GPR152: variants seen among roughly 807,000 people sequenced by gnomAD.
The protein encoded by GPR152 is probable G protein-coupled receptor 152.
For missense variants in GPR152, 549 were observed against 617.2 expected, an observed-to-expected ratio of 0.89 and a Z score of 1.17; for synonymous variants, 278 against 289.0, an observed-to-expected ratio of 0.96 and a Z score of 0.39.
In GPR152 at chr11:67,452,064, G is replaced by A. The variant is rs757211155; in HGVS notation, c.661C>T (p.Arg221Cys). 5.6e-6 allele frequency: 9 copies of A among 1,612,192 alleles called. No individual in the cohort carries two copies. In the African/African-American group the frequency reaches 6.7e-5, roughly 12 times the overall value. Residue 221 changes from arginine to cysteine, a missense_variant, in exon 1 of 1, where the codon CGC (arginine) becomes TGC (cysteine). Arg to Cys is a radical substitution (Grantham distance 180, BLOSUM62 -3). Transcript: ENST00000312457. ...GGCTGCTGTTGGCGGTGGCAGGTGC[G>A]ACAGGCTGTGGCCTGGGTGAGCACG... is the stretch of plus-strand genomic sequence containing the variant. ...CHVLTQATAC[R>C]TCHRQQQPAA... is the part of the protein sequence containing the mutation.
Position 67,452,720 on chromosome 11 carries a change from T to A in GPR152, c.5A>T (p.Asp2Val). 23 of 1,559,762 alleles carry A rather than the reference T, an allele frequency of 1.5e-5. No individual in the cohort carries two copies. Among genetic ancestry groups the A allele is most frequent in the Non-Finnish European group, 1.9e-5 (22 of 1,150,482 alleles). The change falls in exon 1 of 1, where the codon GAC (aspartate) becomes GTC (valine). Residue 2 changes from aspartate (D) to valine (V), a missense_variant. By Grantham distance (152) the Asp-to-Val change is radical. Transcript: ENST00000312457. The part of the protein sequence containing the change: M[D>V]TTMEADLGAT... ...ACCCAGGTCAGCTTCCATGGTAGTG[T>A]CCATTTGGGGTCCCCAGAGTCCTGC...
rs768309222 is a variant in GPR152, at chr11:67,451,329, C to T, written c.1396G>A (p.Gly466Ser). ...CTGGACCCTCACGTGGGGCCTGCGCCCGGGGCCGCCTCTGGCGGGGTGCTG... is the reference window on the plus strand; with the variant it reads ...CTGGACCCTCACGTGGGGCCTGCGCTCGGGGCCGCCTCTGGCGGGGTGCTG... ...PSSTPPEAAP[G>S]AGPT is the part of the protein sequence containing the mutation. The change falls in exon 1 of 1, where the codon GGC (glycine) becomes AGC (serine). Residue 466 changes from glycine (G) to serine (S), a missense_variant. Gly to Ser is a moderately conservative substitution (Grantham distance 56). Coordinates refer to ENST00000312457, the MANE Select transcript of GPR152 (RefSeq NM_206997.1). 1.6e-5 allele frequency: 26 copies of T among 1,577,738 alleles called. No individual in the cohort carries two copies. Among genetic ancestry groups the T allele is most frequent in the Non-Finnish European group, 2.1e-5 (25 of 1,163,370 alleles).
rs747045276 is a variant in GPR152, at chr11:67,452,630, T to C, written c.95A>G (p.Asp32Gly). The C allele has an allele frequency of 6.2e-7, 1 of 1,613,614 alleles. No individual in the cohort carries two copies. The change falls in exon 1 of 1, where the codon GAC becomes GGC. Residue 32 changes from aspartate (D) to glycine (G), a missense_variant. Physicochemically the swap from Asp to Gly is moderately conservative, Grantham distance 94. Transcript: ENST00000312457. ...CAGCAGGGCCACCAGGAAGACCGTG[T>C]CCCAGCCACCTTGGGGGTAGGAGTC... The part of the protein sequence containing the change: ...DEDSYPQGGW[D>G]TVFLVALLLL...
Position 67,451,888 on chromosome 11 carries a change from G to A in GPR152, c.837C>T (p.Tyr279=). Residue 279 remains tyrosine (Y), a synonymous_variant, in exon 1 of 1, where the codon TAC becomes TAT. Transcript: ENST00000312457. ...TGTTGAGTAGGATCAGGTAGTCGGAGTAGACCAGGGCCTCCCAGAGCAGGT... is the reference window on the plus strand; with the variant it reads ...TGTTGAGTAGGATCAGGTAGTCGGAATAGACCAGGGCCTCCCAGAGCAGGT... The part of the protein sequence containing the change: ...SGYLLWEALV[Y]SDYLILLNSC... The A allele has an allele frequency of 6.2e-7, 1 of 1,612,258 alleles. No individual in the cohort carries two copies. The highest frequency in any genetic ancestry group is 8.5e-7 in the Non-Finnish European group (1 of 1,180,002).
rs941376038 is a variant in GPR152 at position 67,452,611 on chromosome 11, G to A, written c.114C>T (p.Ala38=). The A allele has an allele frequency of 1.2e-6, 2 of 1,613,426 alleles. No individual in the cohort carries two copies. The highest frequency in any genetic ancestry group is 1.7e-6 in the Non-Finnish European group (2 of 1,179,812). ...QGGWDTVFLV[A]LLLLGLPANG... ...TGGCTGGCAGCCCAAGGAGCAGCAG[G>A]GCCACCAGGAAGACCGTGTCCCAGC... The change falls in exon 1 of 1, where the codon GCC becomes GCT. Residue 38 remains alanine (A), a synonymous_variant. Coordinates refer to ENST00000312457, the MANE Select transcript of GPR152 (RefSeq NM_206997.1).
At position 67,451,996 on chromosome 11, in the gene GPR152, C is replaced by T. The variant is rs777535963; in HGVS notation, c.729G>A (p.Leu243=). 1 of 1,611,920 alleles carries T rather than the reference C, an allele frequency of 6.2e-7. No homozygotes were observed. Among genetic ancestry groups the T allele is most frequent in the Non-Finnish European group, 8.5e-7 (1 of 1,179,956 alleles). ...RGFARVARTI[L]SAYVVLRLPY... The stretch of plus-strand genomic sequence containing the variant: ...GCAGCCTCAGGACCACATAGGCTGA[C>T]AGAATGGTCCTGGCCACACGGGCGA... The change falls in exon 1 of 1, where the codon CTG becomes CTA. Residue 243 remains leucine (L), a synonymous_variant. Transcript: ENST00000312457.
In GPR152 at chr11:67,451,573, C is replaced by T. The variant is rs770613162; in HGVS notation, c.1152G>A (p.Ser384=). 1.7e-5 allele frequency: 27 copies of T among 1,613,844 alleles called. No homozygotes were observed. The highest frequency in any genetic ancestry group is 6.7e-5 in the Admixed American group (4 of 60,004). The change falls in exon 1 of 1, where the codon TCG becomes TCA. Residue 384 remains serine (S), a synonymous_variant. Coordinates refer to ENST00000312457, the MANE Select transcript of GPR152 (RefSeq NM_206997.1). ...PQLNPTAQPQ[S]DPTAQPQLNL... is the part of the protein sequence containing the mutation. ...TCAGCTGTGGCTGGGCTGTGGGATC[C>T]GACTGTGGCTGGGCCGTAGGGTTCA...
In GPR152 at chr11:67,451,813, G is replaced by A; in HGVS notation, c.912C>T (p.Thr304=). 1 of 1,613,226 alleles carries A rather than the reference G, an allele frequency of 6.2e-7. No individual in the cohort carries two copies. Among genetic ancestry groups the A allele is most frequent in the Non-Finnish European group, 8.5e-7 (1 of 1,179,998 alleles). ...AGGACGAGAGCACGGAGCGCAGCAG[G>A]GTCCGGAGGTCGGCACTGGCCATGA... is the stretch of plus-strand genomic sequence containing the variant. ...LCLMASADLR[T]LLRSVLSSFA... is the part of the protein sequence containing the mutation. Residue 304 remains threonine, a synonymous_variant, in exon 1 of 1, where the codon ACC becomes ACT. Coordinates refer to ENST00000312457, the MANE Select transcript of GPR152 (RefSeq NM_206997.1).
chr11:67,452,131 G>A lies in GPR152; in HGVS notation c.594C>T (p.Val198=), dbSNP rs1590993414. The A allele has an allele frequency of 6.2e-7, 1 of 1,611,418 alleles. No homozygotes were observed. Among genetic ancestry groups the A allele is most frequent in the Non-Finnish European group, 8.5e-7 (1 of 1,179,914 alleles). Residue 198 remains valine (V), a synonymous_variant, in exon 1 of 1, where the codon GTC becomes GTT. Coordinates refer to ENST00000312457, the MANE Select transcript of GPR152 (RefSeq NM_206997.1). ...GGAGGAAAGGCAGGAAGCCCCCCAGGACCTCCAGCATCCTCAGCGACAGCT... is the reference window on the plus strand; with the variant it reads ...GGAGGAAAGGCAGGAAGCCCCCCAGAACCTCCAGCATCCTCAGCGACAGCT... ...SEELSLRMLE[V]LGGFLPFLLL... is the part of the protein sequence containing the mutation.
At position 67,451,405 on chromosome 11, in the gene GPR152, C is replaced by T. The variant is rs773881311; in HGVS notation, c.1320G>A (p.Gly440=). The T allele has an allele frequency of 2.5e-6, 4 of 1,613,522 alleles. No individual in the cohort carries two copies. The South Asian group carries it at 4.4e-5, about 18-fold the overall frequency. Residue 440 remains glycine, a synonymous_variant, in exon 1 of 1, where the codon GGG becomes GGA. Coordinates refer to ENST00000312457, the MANE Select transcript of GPR152 (RefSeq NM_206997.1). Reference sequence around the variant, plus strand: ...GAGGTGTGGCTGGGTCCTCAAGGGCCCCTGGGGTAGGATGCGAGGATGGGG... The same window carrying T: ...GAGGTGTGGCTGGGTCCTCAAGGGCTCCTGGGGTAGGATGCGAGGATGGGG... The part of the protein sequence containing the change: ...SPTPSSHPTP[G]ALEDPATPPA...
In GPR152 at chr11:67,451,538, G is replaced by A; in HGVS notation, c.1187C>T (p.Ala396Val). 6.2e-7 allele frequency: 1 copy of A among 1,613,944 alleles called. No individual in the cohort carries two copies. Among genetic ancestry groups the A allele is most frequent in the Non-Finnish European group, 8.5e-7 (1 of 1,179,944 alleles). ...GGCCACAGAATCTGACTGTGGCTGG[G>A]CCATGAGGTTCAGCTGTGGCTGGGC... ...PTAQPQLNLM[A>V]QPQSDSVAQP... is the part of the protein sequence containing the mutation. The change falls in exon 1 of 1, where the codon GCC (alanine) becomes GTC (valine). Residue 396 changes from alanine (A) to valine (V), a missense_variant. Transcript: ENST00000312457.
rs1162024543 is a variant in GPR152 at position 67,451,654 on chromosome 11, C to G, written c.1071G>C (p.Gln357His). ...EAQSQMDPVA[Q>H]PQVNPTLQPR... ...GCTGGAGTGTGGGGTTCACCTGAGG[C>G]TGGGCCACAGGATCCATCTGTGACT... The change falls in exon 1 of 1, where the codon CAG (glutamine) becomes CAC (histidine). Residue 357 changes from glutamine to histidine, a missense_variant. Transcript: ENST00000312457. The G allele has an allele frequency of 1.9e-6, 3 of 1,613,960 alleles. No homozygotes were observed. The Admixed American group carries it at 5.0e-5, about 27-fold the overall frequency.
rs1348557273 is a variant in GPR152 at position 67,451,522 on chromosome 11, A to G, written c.1203T>C (p.Asp401=). 6.2e-7 allele frequency: 1 copy of G among 1,612,416 alleles called. No homozygotes were observed. The highest frequency in any genetic ancestry group is 2.2e-5 in the East Asian group (1 of 44,900). The change falls in exon 1 of 1, where the codon GAT becomes GAC. Residue 401 remains aspartate, a synonymous_variant. Transcript: ENST00000312457. ...QLNLMAQPQS[D]SVAQPQADTN... ...TGTCTGCCTGTGGCTGGGCCACAGA[A>G]TCTGACTGTGGCTGGGCCATGAGGT...
In GPR152 at chr11:67,452,191, G is replaced by T; in HGVS notation, c.534C>A (p.Asp178Glu). 6.2e-7 allele frequency: 1 copy of T among 1,608,604 alleles called. No individual in the cohort carries two copies. ...VFPEAAVWWY[D>E]LVICLDFWDS... is the part of the protein sequence containing the mutation. ...CCCAGAAGTCCAGGCAGATGACCAG[G>T]TCGTACCACCAGACGGCAGCCTCGG... The change falls in exon 1 of 1, where the codon GAC becomes GAA. Residue 178 changes from aspartate to glutamate, a missense_variant. Coordinates refer to ENST00000312457, the MANE Select transcript of GPR152 (RefSeq NM_206997.1).
rs140961380 is a variant in GPR152, at chr11:67,452,712, T to C, written c.13A>G (p.Met5Val). The C allele has an allele frequency of 2.0e-5, 32 of 1,571,260 alleles. No individual in the cohort carries two copies. The African/African-American group carries it at 3.7e-4, about 18-fold the overall frequency. Residue 5 changes from methionine (M) to valine (V), a missense_variant, in exon 1 of 1, where the codon ATG becomes GTG. Coordinates refer to ENST00000312457, the MANE Select transcript of GPR152 (RefSeq NM_206997.1). MDTTMEADLGATGHR... is the reference protein window; with the variant it reads MDTTVEADLGATGHR... ...CCAGTGGCACCCAGGTCAGCTTCCA[T>C]GGTAGTGTCCATTTGGGGTCCCCAG... is the stretch of plus-strand genomic sequence containing the variant.
chr11:67,452,046 G>C lies in GPR152; in HGVS notation c.679C>G (p.Gln227Glu). 1 of 1,612,384 alleles carries C rather than the reference G, an allele frequency of 6.2e-7. No individual in the cohort carries two copies. The highest frequency in any genetic ancestry group is 2.2e-5 in the East Asian group (1 of 44,882). The part of the protein sequence containing the change: ...ATACRTCHRQ[Q>E]QPAACRGFAR... ...AAGCCCCGGCAGGCTGCGGGCTGCT[G>C]TTGGCGGTGGCAGGTGCGACAGGCT... is the stretch of plus-strand genomic sequence containing the variant. Residue 227 changes from glutamine to glutamate, a missense_variant, in exon 1 of 1, where the codon CAG becomes GAG. By Grantham distance (29) the Gln-to-Glu change is conservative. Coordinates refer to ENST00000312457, the MANE Select transcript of GPR152 (RefSeq NM_206997.1).
In GPR152 at chr11:67,451,440, C is replaced by T. The variant is rs142458921; in HGVS notation, c.1285G>A (p.Ala429Thr). The change falls in exon 1 of 1, where the codon GCT becomes ACT. Residue 429 changes from alanine to threonine, a missense_variant. By Grantham distance (58) the Ala-to-Thr change is moderately conservative. Coordinates refer to ENST00000312457, the MANE Select transcript of GPR152 (RefSeq NM_206997.1). ...GGATGCGAGGATGGGGTTGGGGAAGCTTCATCACAGGGACTGGGCACAGAA... is the reference window on the plus strand; with the variant it reads ...GGATGCGAGGATGGGGTTGGGGAAGTTTCATCACAGGGACTGGGCACAGAA... ...ASSVPSPCDE[A>T]SPTPSSHPTP... is the part of the protein sequence containing the mutation. 9.9e-6 allele frequency: 16 copies of T among 1,613,974 alleles called. No individual in the cohort carries two copies. In the African/African-American group the frequency reaches 1.2e-4, roughly 12 times the overall value.
At position 67,451,985 on chromosome 11, in the gene GPR152, A is replaced by C. The variant is rs201685250; in HGVS notation, c.740T>G (p.Val247Gly). Residue 247 changes from valine (V) to glycine (G), a missense_variant, in exon 1 of 1, where the codon GTG (valine) becomes GGG (glycine). Coordinates refer to ENST00000312457, the MANE Select transcript of GPR152 (RefSeq NM_206997.1). ...RVARTILSAY[V>G]VLRLPYQLAQ... ...CAGCTGGTAGGGCAGCCTCAGGACCACATAGGCTGACAGAATGGTCCTGGC... is the reference window on the plus strand; with the variant it reads ...CAGCTGGTAGGGCAGCCTCAGGACCCCATAGGCTGACAGAATGGTCCTGGC... 5.0e-6 allele frequency: 8 copies of C among 1,611,412 alleles called. No individual in the cohort carries two copies. Among genetic ancestry groups the C allele is most frequent in the Non-Finnish European group, 6.8e-6 (8 of 1,179,978 alleles).
rs1219869338 is a variant in GPR152, at chr11:67,452,057, C to T, written c.668G>A (p.Cys223Tyr). 2.5e-6 allele frequency: 4 copies of T among 1,612,198 alleles called. No individual in the cohort carries two copies. Among genetic ancestry groups the T allele is most frequent in the African/African-American group, 1.3e-5 (1 of 74,942 alleles). ...GGCTGCGGGCTGCTGTTGGCGGTGG[C>T]AGGTGCGACAGGCTGTGGCCTGGGT... is the stretch of plus-strand genomic sequence containing the variant. Reference protein sequence around the residue: ...VLTQATACRTCHRQQQPAACR... With the variant: ...VLTQATACRTYHRQQQPAACR... Residue 223 changes from cysteine (C) to tyrosine (Y), a missense_variant, in exon 1 of 1, where the codon TGC becomes TAC. Cys to Tyr is a radical substitution (Grantham distance 194). Transcript: ENST00000312457.
Sources: gnomAD v4.1 joint callset for allele counts on GRCh38, gnomAD v4.1.1 for gene constraint, MANE v1.5 for transcripts, NCBI Gene and HGNC (gene_info 2026-07-23, HGNC 2026-07-21) for gene names.